The following SNX29 variants were observed in gnomAD, a reference collection of about 807,000 sequenced individuals.
SNX29 encodes the protein sorting nexin-29.
A neutral mutation model predicts 102.1 loss-of-function variants in SNX29; 78 were observed. That is an observed-to-expected ratio of 0.76 (90% CI 0.64 to 0.92). SNX29 has a LOEUF of 0.92. SNX29 is among the 40% of genes least tolerant of loss of function. SNX29 has a pLI of 0.00. For synonymous variants in SNX29, 580 were observed against 414.5 expected (o/e 1.40, Z -4.85); for missense variants, 1,280 against 1,061.7 (o/e 1.21, Z -2.86).
rs190352652 is a variant in SNX29 at position 12,218,981 on chromosome 16, A to G, written c.1678+19298A>G. On this transcript the variant is annotated intron_variant, in intron 14 of 20. Coordinates refer to ENST00000566228, the MANE Select transcript of SNX29 (RefSeq NM_032167.5). Reference sequence around the variant, plus strand: ...AGTAGAGACGGGGTTTCACTGTGTTAGCCAGGTTGGTCTCGATCTCCTGAC... The same window carrying G: ...AGTAGAGACGGGGTTTCACTGTGTTGGCCAGGTTGGTCTCGATCTCCTGAC... Among the ~76,000 whole-genome samples, 141 of 152,164 alleles carry G rather than the reference A, an allele frequency of 9.3e-4. 1 individual carries two copies. The East Asian group carries it at 0.01, about 11-fold the overall frequency.
intron 3 of SNX29, among the ~76,000 whole-genome samples, chr16:12,005,260 TC>T (rs1223147659): frequency 2.6e-5 from 4 of 152,200 alleles, no homozygotes; most frequent in African/African-American, 7.2e-5. Context: ...CTGGCCTTGG[TC>T]CACACAGGGA....
At chr16:12,559,112 A>T (rs896495297) in intron 20 of SNX29, among the ~76,000 whole-genome samples, 8 of 152,124 alleles carry the variant, frequency 5.3e-5, no homozygotes, top group African/African-American at 1.9e-4. Context: ...AGTAGTAGTC[A>T]AATCAGGCTT....
rs931985124 is a variant in SNX29, at chr16:12,278,006, C to T, written c.1752C>T (p.Leu584=). The T allele has an allele frequency of 2.4e-5, 39 of 1,605,458 alleles. No homozygotes were observed. The highest frequency in any genetic ancestry group is 8.5e-5 in the Admixed American group (5 of 58,886). ...EQKPGEIAEE[L]ASSYERKLIE... The stretch of plus-strand genomic sequence containing the variant: ...AGCCGGGAGAAATTGCTGAAGAACT[C>T]GCAAGCTCCTACGAAAGAAAGCTCA... Residue 584 remains leucine, a synonymous_variant, in exon 15 of 21, where the codon CTC becomes CTT. Coordinates refer to ENST00000566228, the MANE Select transcript of SNX29 (RefSeq NM_032167.5).
At chr16:12,553,682 C>G (rs984339634) in intron 20 of SNX29, among the ~76,000 whole-genome samples, 2 of 150,502 alleles carry the variant, frequency 1.3e-5, no homozygotes, top group East Asian at 3.9e-4. Flanking sequence ...CCTCCGCCTC[C>G]TGGGTTCAAA....
rs1036092561 is a variant in SNX29, at chr16:12,319,131, C to G, written c.1783-37032C>G. Among the ~76,000 whole-genome samples, 3 of 152,240 alleles carry G rather than the reference C, an allele frequency of 2.0e-5. No homozygotes were observed. In the East Asian group the frequency reaches 5.8e-4, roughly 29 times the overall value. On this transcript the variant is annotated intron_variant, in intron 15 of 20. Transcript: ENST00000566228. ...AGGCCTGGGCACAACTAGGGGTGGGCTTTTGTTACATTCCAGCCCTTGTAT... is the reference window on the plus strand; with the variant it reads ...AGGCCTGGGCACAACTAGGGGTGGGGTTTTGTTACATTCCAGCCCTTGTAT...
intron 9 of SNX29, 58 bp downstream of exon 9, chr16:12,061,704 C>A: frequency 6.8e-7 from 1 of 1,463,876 alleles, no homozygotes; most frequent in Non-Finnish European, 9.4e-7. Flanking sequence ...CGAGAACCAG[C>A]AGGAATGTCT....
At chr16:12,106,327 T>C (rs562835422) in intron 11 of SNX29, among the ~76,000 whole-genome samples, 1 of 152,154 alleles carries the variant, frequency 6.6e-6, no homozygotes, top group African/African-American at 2.4e-5. Flanking sequence ...GAATTTTCTT[T>C]CTTCCCACTT....
Position 12,001,969 on chromosome 16 carries a change from A to G in SNX29, c.70-1022A>G, listed in dbSNP as rs369743170. ...TAGGTATTCGAGATTACCATGAGCT[A>G]TGATGGCATCACTCCCCTTCAGCCT... is the stretch of plus-strand genomic sequence containing the variant. On this transcript the variant is annotated intron_variant, in intron 2 of 20. Coordinates refer to ENST00000566228, the MANE Select transcript of SNX29 (RefSeq NM_032167.5). Among the ~76,000 whole-genome samples, 178 of 151,340 alleles carry G rather than the reference A, an allele frequency of 1.2e-3. 6 individuals carry two copies. In the South Asian group the frequency reaches 0.037, roughly 31 times the overall value.
At chr16:12,418,145 T>C (rs1283091985) in intron 18 of SNX29, among the ~76,000 whole-genome samples, 2 of 152,200 alleles carry the variant, frequency 1.3e-5, no homozygotes, top group Non-Finnish European at 2.9e-5. Context: ...CCCAGAACTT[T>C]TAATGACCAA....
intron 16 of SNX29, among the ~76,000 whole-genome samples, chr16:12,384,649 T>G (rs569715261): frequency 6.6e-5 from 10 of 152,238 alleles, no homozygotes; most frequent in Non-Finnish European, 1.0e-4. Context: ...TTGCAGATAT[T>G]TTCTCCCATT....
intron 1 of SNX29, among the ~76,000 whole-genome samples, chr16:11,996,610 C>T (rs1292417194): frequency 6.6e-6 from 1 of 152,182 alleles, no homozygotes; most frequent in African/African-American, 2.4e-5. Context: ...GTGCGGGGAA[C>T]CCTGTCAAGT....
intron 18 of SNX29, among the ~76,000 whole-genome samples, chr16:12,438,269 C>G (rs1304065927): frequency 6.6e-6 from 1 of 152,204 alleles, no homozygotes; most frequent in East Asian, 1.9e-4. Flanking sequence ...CCAGCCCCAC[C>G]TGGTTTCTAG....
rs1453038035 is a variant in SNX29 at position 12,573,063 on chromosome 16, A to G, written c.*4434A>G. 1.7e-5 allele frequency: 4 copies of G among 231,552 alleles called. No homozygotes were observed. Among genetic ancestry groups the G allele is most frequent in the Non-Finnish European group, 2.5e-5 (3 of 117,874 alleles). 14.3% of individuals were successfully genotyped at this position (231,552 alleles called of 1,614,324 possible). A position where few individuals can be genotyped will look rare whatever the true frequency, so the allele number is the denominator to read the frequency against. On this transcript the variant is annotated 3_prime_UTR_variant, in exon 21 of 21. Transcript: ENST00000566228. ...TAATTCTGCAGTTGTAGCACTGTAT[A>G]TTTTATCTCATTTCTGTGCCAAGAA...
At chr16:12,085,107 T>C (rs1249710048) in intron 11 of SNX29, among the ~76,000 whole-genome samples, 1 of 151,976 alleles carries the variant, frequency 6.6e-6, no homozygotes, top group African/African-American at 2.4e-5. Flanking sequence ...CCCAGGGCAG[T>C]GAGTGTCTTC....
chr16:12,183,398 C>A (rs910204875), intron 13 of SNX29, among the ~76,000 whole-genome samples: 1 of 151,992 alleles, frequency 6.6e-6, no homozygotes, highest in African/African-American at 2.4e-5. Flanking sequence ...ACCTACCGTC[C>A]ACCTAGATTT....
At chr16:12,434,473 T>G (rs1410580441) in intron 18 of SNX29, among the ~76,000 whole-genome samples, 3 of 152,120 alleles carry the variant, frequency 2.0e-5, no homozygotes, top group African/African-American at 7.2e-5. Context: ...TTCATCCATT[T>G]TTTGTGTGTC....
chr16:12,150,175 A>G (rs956514499), intron 13 of SNX29, among the ~76,000 whole-genome samples: 2 of 152,098 alleles, frequency 1.3e-5, no homozygotes, highest in South Asian at 2.1e-4. Context: ...CAGAGCCATA[A>G]TCCCCTCCTG....
intron 20 of SNX29, among the ~76,000 whole-genome samples, chr16:12,538,732 G>T (rs1006883449): frequency 1.7e-4 from 26 of 152,104 alleles, no homozygotes; most frequent in Admixed American, 1.4e-3. Context: ...GCACAGACAG[G>T]AGAAGCACAC....
At chr16:12,520,790 G>C (rs1010104038) in intron 19 of SNX29, among the ~76,000 whole-genome samples, 5 of 152,184 alleles carry the variant, frequency 3.3e-5, no homozygotes, top group Non-Finnish European at 4.4e-5. Flanking sequence ...GGACTTTGGG[G>C]ACTCAGGCGT....
Sources: gnomAD v4.1 joint callset for allele counts (sites outside exome capture counted in the v4.1 genomes callset) on GRCh38, gnomAD v4.1.1 for gene constraint, MANE v1.5 for transcripts, NCBI Gene and HGNC (gene_info 2026-07-23, HGNC 2026-07-21) for gene names.